OR4D9: variants seen among roughly 807,000 people sequenced by gnomAD.
The protein encoded by OR4D9 is olfactory receptor family 4 subfamily D member 9.
A neutral mutation model predicts 0.8 loss-of-function variants in OR4D9; 2 were observed. The ratio of observed to expected loss-of-function variants is 2.58; its 90% CI spans 1.06 to 8.13. OR4D9 has a LOEUF of 8.13. Among genes scored for constraint, OR4D9 ranks in the 30% most tolerant of loss-of-function variants. The pLI is 0.04. For synonymous variants in OR4D9, 146 were observed against 151.2 expected (o/e 0.97, Z 0.25); for missense variants, 399 against 384.7 (o/e 1.04, Z -0.31).
rs569452042 is a variant in OR4D9 at position 59,515,694 on chromosome 11, C to T, written c.782C>T (p.Pro261Leu). ...FVPCIYVYARPFTALPTDTAI... is the reference protein window; with the variant it reads ...FVPCIYVYARLFTALPTDTAI... ...CCCTGCATCTATGTCTATGCCCGGCCCTTCACTGCCCTCCCCACAGACACT... is the reference window on the plus strand; with the variant it reads ...CCCTGCATCTATGTCTATGCCCGGCTCTTCACTGCCCTCCCCACAGACACT... Residue 261 changes from proline (P) to leucine (L), a missense_variant, in exon 3 of 3, where the codon CCC (proline) becomes CTC (leucine). Pro to Leu is a moderately conservative substitution (Grantham distance 98, BLOSUM62 -3). Coordinates refer to ENST00000641962, the MANE Select transcript of OR4D9 (RefSeq NM_001004711.2). 1 of 1,614,104 alleles carries T rather than the reference C, an allele frequency of 6.2e-7. No homozygotes were observed. Among genetic ancestry groups the T allele is most frequent in the Non-Finnish European group, 8.5e-7 (1 of 1,180,030 alleles).
At chr11:59,512,005 A>C (rs1445512764) in intron 1 of OR4D9, among the ~76,000 whole-genome samples, 1 of 152,212 alleles carries the variant, frequency 6.6e-6, no homozygotes, top group Admixed American at 6.5e-5. Flanking sequence ...TTTGAGTAAG[A>C]TGTTTTAATG....
Position 59,515,956 on chromosome 11 carries a change from GC to G in OR4D9, c.*101del. 1 of 846,608 alleles carries G rather than the reference GC, an allele frequency of 1.2e-6. No individual in the cohort carries two copies. Among genetic ancestry groups the G allele is most frequent in the Non-Finnish European group, 1.8e-6 (1 of 559,070 alleles). 52.4% of individuals were successfully genotyped at this position (846,608 alleles called of 1,614,324 possible). A position where few individuals can be genotyped will look rare whatever the true frequency, so the allele number is the denominator to read the frequency against. On this transcript the variant is annotated 3_prime_UTR_variant, in exon 3 of 3. Transcript: ENST00000641962. ...TGCCCAAAACAAAGAGATACCTATG[GC>G]CACCATCGAGTCCTAAAAGAAGTTA...
chr11:59,515,553 T>A lies in OR4D9; in HGVS notation c.641T>A (p.Leu214His). The change falls in exon 3 of 3, where the codon CTC becomes CAC. Residue 214 changes from leucine (L) to histidine (H), a missense_variant. Leu to His is a moderately conservative substitution (Grantham distance 99). Transcript: ENST00000641962. ...GLVSWFVFFF[L>H]LISYTVILMM... ...GTCAGTTGGTTTGTATTCTTCTTTC[T>A]CCTCATATCTTACACGGTCATCTTG... 1 of 1,614,164 alleles carries A rather than the reference T, an allele frequency of 6.2e-7. No individual in the cohort carries two copies. The highest frequency in any genetic ancestry group is 8.5e-7 in the Non-Finnish European group (1 of 1,180,028).
In OR4D9 at chr11:59,519,121, G is replaced by A. The variant is rs1311295719; in HGVS notation, c.*3264G>A. 1 of 152,262 alleles carries A rather than the reference G, an allele frequency of 6.6e-6. No homozygotes were observed. The highest frequency in any genetic ancestry group is 2.4e-5 in the African/African-American group (1 of 41,444). The allele number at this position is 152,262 out of a possible 1,614,324, so 9.4% of individuals were successfully genotyped here. ...TAATCTCAGCACCTTGGGAGGCCAGGGAGGGTGGATTGCTTGAGCTCAGGA... is the reference window on the plus strand; with the variant it reads ...TAATCTCAGCACCTTGGGAGGCCAGAGAGGGTGGATTGCTTGAGCTCAGGA... On this transcript the variant is annotated 3_prime_UTR_variant, in exon 3 of 3. Coordinates refer to ENST00000641962, the MANE Select transcript of OR4D9 (RefSeq NM_001004711.2).
Position 59,513,030 on chromosome 11 carries a change from G to A in OR4D9, c.-125+1284G>A, listed in dbSNP as rs1475632958. Among the ~76,000 whole-genome samples the A allele has an allele frequency of 3.9e-5, 6 of 152,180 alleles. No individual in the cohort carries two copies. In the East Asian group the frequency reaches 9.6e-4, roughly 24 times the overall value. On this transcript the variant is annotated intron_variant, in intron 1 of 2. Coordinates refer to ENST00000641962, the MANE Select transcript of OR4D9 (RefSeq NM_001004711.2). Reference sequence around the variant, plus strand: ...TTGTTAGTTAAAACTTTATACTGAAGTATGATATGCTAACATACAGAAAAA... The same window carrying A: ...TTGTTAGTTAAAACTTTATACTGAAATATGATATGCTAACATACAGAAAAA...
chr11:59,519,842 T>C lies in OR4D9; in HGVS notation c.*3985T>C, dbSNP rs949333054. 2.6e-5 allele frequency: 4 copies of C among 152,236 alleles called. No homozygotes were observed. The highest frequency in any genetic ancestry group is 9.6e-5 in the African/African-American group (4 of 41,458). 9.4% of individuals were successfully genotyped at this position (152,236 alleles called of 1,614,324 possible). A position where few individuals can be genotyped will look rare whatever the true frequency, so the allele number is the denominator to read the frequency against. On this transcript the variant is annotated 3_prime_UTR_variant, in exon 3 of 3. Coordinates refer to ENST00000641962, the MANE Select transcript of OR4D9 (RefSeq NM_001004711.2). ...GGTGGACTAGATGAAGAAAATGTGA[T>C]ACATTATACACCATGGGGTACTATG... is the stretch of plus-strand genomic sequence containing the variant.
At chr11:59,513,922 A>G (rs971264814) in intron 1 of OR4D9, among the ~76,000 whole-genome samples, 2 of 152,114 alleles carry the variant, frequency 1.3e-5, no homozygotes, top group Non-Finnish European at 2.9e-5. Flanking sequence ...AGTGAGCTAT[A>G]AGCTCACCAC....
chr11:59,516,933 G>A lies in OR4D9; in HGVS notation c.*1076G>A, dbSNP rs1160317225. ...ACAAAAACAAAATTAGCCAGGCTTG[G>A]TGGTGGGTGCCTGTAGTCCCAGCTA... On this transcript the variant is annotated 3_prime_UTR_variant, in exon 3 of 3. Coordinates refer to ENST00000641962, the MANE Select transcript of OR4D9 (RefSeq NM_001004711.2). 1 of 152,184 alleles carries A rather than the reference G, an allele frequency of 6.6e-6. No homozygotes were observed. Among genetic ancestry groups the A allele is most frequent in the Non-Finnish European group, 1.5e-5 (1 of 68,104 alleles). 9.4% of individuals were successfully genotyped at this position (152,184 alleles called of 1,614,324 possible). A position where few individuals can be genotyped will look rare whatever the true frequency, so the allele number is the denominator to read the frequency against.
Position 59,520,349 on chromosome 11 carries a change from G to C in OR4D9, c.*4492G>C, listed in dbSNP as rs1859461003. On this transcript the variant is annotated 3_prime_UTR_variant, in exon 3 of 3. Coordinates refer to ENST00000641962, the MANE Select transcript of OR4D9 (RefSeq NM_001004711.2). The stretch of plus-strand genomic sequence containing the variant: ...TTCTTTGCTGATTGACATTTCCTGT[G>C]TTCTATTTCTACCACTCAAAAATGT... 1 of 150,652 alleles carries C rather than the reference G, an allele frequency of 6.6e-6. No individual in the cohort carries two copies. Among genetic ancestry groups the C allele is most frequent in the Non-Finnish European group, 1.5e-5 (1 of 67,800 alleles). The allele number at this position is 150,652 out of a possible 1,614,324, so 9.3% of individuals were successfully genotyped here. A position where few individuals can be genotyped will look rare whatever the true frequency, so the allele number is the denominator to read the frequency against.
Position 59,515,568 on chromosome 11 carries a change from C to T in OR4D9, c.656C>T (p.Thr219Met), listed in dbSNP as rs75663008. 1.4e-3 allele frequency: 2,318 copies of T among 1,614,142 alleles called. 30 individuals carry two copies. The African/African-American group carries it at 0.025, about 17-fold the overall frequency. The change falls in exon 3 of 3, where the codon ACG becomes ATG. Residue 219 changes from threonine to methionine, a missense_variant. By Grantham distance (81) the Thr-to-Met change is moderately conservative (BLOSUM62 -1). Transcript: ENST00000641962. ...FVFFFLLISY[T>M]VILMMLRSHT... ...TTCTTCTTTCTCCTCATATCTTACA[C>T]GGTCATCTTGATGATGCTGAGGTCT...
rs773976727 is a variant in OR4D9 at position 59,515,775 on chromosome 11, C to T, written c.863C>T (p.Thr288Met). 19 of 1,614,100 alleles carry T rather than the reference C, an allele frequency of 1.2e-5. No homozygotes were observed. Among genetic ancestry groups the T allele is most frequent in the African/African-American group, 2.7e-5 (2 of 75,022 alleles). ...CCTTTGCTCAATCCTATAATTTACA[C>T]GCTGAGGAATCAGGAAATGAAGTTG... ...ISPLLNPIIYTLRNQEMKLAM... is the reference protein window; with the variant it reads ...ISPLLNPIIYMLRNQEMKLAM... Residue 288 changes from threonine to methionine, a missense_variant, in exon 3 of 3, where the codon ACG becomes ATG. Thr to Met is a moderately conservative substitution (Grantham distance 81). Transcript: ENST00000641962.
intron 1 of OR4D9, among the ~76,000 whole-genome samples, chr11:59,513,475 C>T (rs1175802853): frequency 6.6e-6 from 1 of 152,132 alleles, no homozygotes; most frequent in Non-Finnish European, 1.5e-5. Context: ...ACTCTTTGGT[C>T]CCTGGATTAT....
chr11:59,517,307 C>T lies in OR4D9; in HGVS notation c.*1450C>T, dbSNP rs1244363560. ...GAAAGAAAATGAGGTGAGATTGTGC[C>T]ACATTTGTGTAACAGTGAACTCAGT... On this transcript the variant is annotated 3_prime_UTR_variant, in exon 3 of 3. Coordinates refer to ENST00000641962, the MANE Select transcript of OR4D9 (RefSeq NM_001004711.2). 1 of 151,872 alleles carries T rather than the reference C, an allele frequency of 6.6e-6. No individual in the cohort carries two copies. Among genetic ancestry groups the T allele is most frequent in the Non-Finnish European group, 1.5e-5 (1 of 67,990 alleles). The allele number at this position is 151,872 out of a possible 1,614,324, so 9.4% of individuals were successfully genotyped here.
chr11:59,519,673 A>G lies in OR4D9; in HGVS notation c.*3816A>G, dbSNP rs950516878. ...AATGCAGAAGCTCCTTTAGCAATGA[A>G]TGTTCTCCAAAACTACCATTTGACG... On this transcript the variant is annotated 3_prime_UTR_variant, in exon 3 of 3. Coordinates refer to ENST00000641962, the MANE Select transcript of OR4D9 (RefSeq NM_001004711.2). 1.3e-5 allele frequency: 2 copies of G among 152,176 alleles called. No homozygotes were observed. Among genetic ancestry groups the G allele is most frequent in the Non-Finnish European group, 2.9e-5 (2 of 68,036 alleles). 9.4% of individuals were successfully genotyped at this position (152,176 alleles called of 1,614,324 possible).
In OR4D9 at chr11:59,513,014, A is replaced by AT. The variant is rs1417616285; in HGVS notation, c.-125+1268_-125+1269insT. On this transcript the variant is annotated intron_variant, in intron 1 of 2. Coordinates refer to ENST00000641962, the MANE Select transcript of OR4D9 (RefSeq NM_001004711.2). ...ATGATAAATGTTATGTTTGTTAGTT[A>AT]AAACTTTATACTGAAGTATGATATG... Among the ~76,000 whole-genome samples the AT allele has an allele frequency of 6.6e-5, 10 of 152,358 alleles. No homozygotes were observed. The East Asian group carries it at 1.5e-3, about 23-fold the overall frequency.
At position 59,519,761 on chromosome 11, in the gene OR4D9, T is replaced by A. The variant is rs1329909407; in HGVS notation, c.*3904T>A. ...TAAATTATTCTACCAAAAAGACACA[T>A]GCACCTGTATGTTCACAGTAGCAAA... On this transcript the variant is annotated 3_prime_UTR_variant, in exon 3 of 3. Coordinates refer to ENST00000641962, the MANE Select transcript of OR4D9 (RefSeq NM_001004711.2). 6.6e-6 allele frequency: 1 copy of A among 152,160 alleles called. No homozygotes were observed. The highest frequency in any genetic ancestry group is 2.1e-4 in the South Asian group (1 of 4,830). 9.4% of individuals were successfully genotyped at this position (152,160 alleles called of 1,614,324 possible).
chr11:59,513,430 A>G (rs1024614440), intron 1 of OR4D9, among the ~76,000 whole-genome samples: 1 of 152,166 alleles, frequency 6.6e-6, no homozygotes, highest in Non-Finnish European at 1.5e-5. Context: ...GGCTCCCTTC[A>G]GTTTTGTACA....
intron 1 of OR4D9, among the ~76,000 whole-genome samples, 176 bp from the exon 2 acceptor site, chr11:59,514,497 G>A (rs1590636791): frequency 6.6e-6 from 1 of 152,146 alleles, no homozygotes; most frequent in East Asian, 1.9e-4. Context: ...TCAGATAAAT[G>A]TATTGTAAAT....
Position 59,515,798 on chromosome 11 carries a change from T to C in OR4D9, c.886T>C (p.Leu296=), listed in dbSNP as rs534008048. ...CACGCTGAGGAATCAGGAAATGAAG[T>C]TGGCCATGAGGAAACTGAAGAGACG... ...IYTLRNQEMK[L]AMRKLKRRLG... The change falls in exon 3 of 3, where the codon TTG becomes CTG. Residue 296 remains leucine, a synonymous_variant. Coordinates refer to ENST00000641962, the MANE Select transcript of OR4D9 (RefSeq NM_001004711.2). 12 of 1,614,142 alleles carry C rather than the reference T, an allele frequency of 7.4e-6. No homozygotes were observed. The African/African-American group carries it at 8.0e-5, about 11-fold the overall frequency.
Sources: allele counts gnomAD v4.1 joint callset (sites outside exome capture counted in the v4.1 genomes callset), GRCh38; gene constraint gnomAD v4.1.1; transcripts MANE v1.5; gene names NCBI Gene and HGNC (gene_info 2026-07-23, HGNC 2026-07-21).